SLC30A6: variants seen among roughly 807,000 people sequenced by gnomAD.
The protein encoded by SLC30A6 is zinc transporter 6.
A neutral mutation model predicts 63.0 loss-of-function variants in SLC30A6; 55 were observed. That is an observed-to-expected ratio of 0.87 (90% CI 0.70 to 1.09). The LOEUF is 1.09. Among genes scored for constraint, SLC30A6 ranks in the 50% least tolerant of loss-of-function variants. SLC30A6 has a pLI of 0.00. For missense variants in SLC30A6, 587 were observed against 549.2 expected (o/e 1.07, Z -0.69); for synonymous variants, 224 against 186.1 (o/e 1.20, Z -1.66).
Position 32,203,662 on chromosome 2 carries a change from A to G in SLC30A6, c.666-928A>G, listed in dbSNP as rs1684488835. 14 of 1,560,688 alleles carry G rather than the reference A, an allele frequency of 9.0e-6. No individual in the cohort carries two copies. The South Asian group carries it at 1.4e-4, about 16-fold the overall frequency. On this transcript the variant is annotated intron_variant, in intron 10 of 13. Transcript: ENST00000282587. ...TAGTAATGCAGTGTCTCAGATTACC[A>G]GAATGTGCCTCCTGAAAGGAAATGT...
chr2:32,181,147 A>G (rs1000845780), intron 4 of SLC30A6, among the ~76,000 whole-genome samples: 5 of 152,262 alleles, frequency 3.3e-5, no homozygotes, highest in African/African-American at 1.2e-4. Context: ...GGAAATTAAA[A>G]TGATTTACAC....
At chr2:32,184,855 T>C (rs1682665224) in intron 5 of SLC30A6, among the ~76,000 whole-genome samples, 1 of 152,212 alleles carries the variant, frequency 6.6e-6, no homozygotes, top group African/African-American at 2.4e-5. Context: ...GTTTTTTATA[T>C]TTTATAAAGC....
At chr2:32,188,471 A>G (rs189743735) in intron 5 of SLC30A6, among the ~76,000 whole-genome samples, 1 of 152,202 alleles carries the variant, frequency 6.6e-6, no homozygotes, top group East Asian at 1.9e-4. Context: ...AGGTGGGAGG[A>G]TCACCTGAGG....
chr2:32,175,266 A>G (rs1405449289), intron 3 of SLC30A6, 53 bp from the exon 4 acceptor site: 29 of 1,562,972 alleles, frequency 1.9e-5, no homozygotes, highest in Non-Finnish European at 2.4e-5. Context: ...AACTTGCTGT[A>G]TTTTTTTAGA....
chr2:32,192,691 A>G (rs1330944285), intron 6 of SLC30A6, among the ~76,000 whole-genome samples: 1 of 152,200 alleles, frequency 6.6e-6, no homozygotes, highest in Non-Finnish European at 1.5e-5. Flanking sequence ...CCATTGAAAT[A>G]GGCTTGGCAG....
Position 32,204,587 on chromosome 2 carries a change from T to C in SLC30A6, c.666-3T>C, listed in dbSNP as rs1265413981. 2.5e-6 allele frequency: 4 copies of C among 1,602,312 alleles called. No individual in the cohort carries two copies. The highest frequency in any genetic ancestry group is 3.4e-6 in the Non-Finnish European group (4 of 1,171,104). ...AAAATTTAGAATTGTTTTTTCCTTT[T>C]AGTAATTATTTTGCCGTAGACACTG... is the stretch of plus-strand genomic sequence containing the variant. On this transcript the variant is annotated splice_polypyrimidine_tract_variant and splice_region_variant and intron_variant, in intron 10 of 13. Coordinates refer to ENST00000282587, the MANE Select transcript of SLC30A6 (RefSeq NM_017964.5).
rs963922379 is a variant in SLC30A6, at chr2:32,224,324, A to G, written c.*3611A>G. 8.4e-6 allele frequency: 5 copies of G among 592,908 alleles called. No individual in the cohort carries two copies. Among genetic ancestry groups the G allele is most frequent in the African/African-American group, 1.9e-5 (1 of 53,500 alleles). The allele number at this position is 592,908 out of a possible 1,614,324, so 36.7% of individuals were successfully genotyped here. A position where few individuals can be genotyped will look rare whatever the true frequency, so the allele number is the denominator to read the frequency against. The stretch of plus-strand genomic sequence containing the variant: ...CGATAATCCTAGTAGGAGAGCTAAG[A>G]CACAAAACTGTTGCATGTTTTTAAT... On this transcript the variant is annotated 3_prime_UTR_variant, in exon 14 of 14. Transcript: ENST00000282587.
At chr2:32,203,597 A>T in intron 10 of SLC30A6, 1 of 1,593,574 alleles carries the variant, frequency 6.3e-7, no homozygotes, top group Non-Finnish European at 8.6e-7. Flanking sequence ...GAAATACAGG[A>T]TGTCAGCTGT....
chr2:32,203,502 A>G, intron 10 of SLC30A6: 2 of 1,605,686 alleles, frequency 1.2e-6, no homozygotes, highest in South Asian at 1.1e-5. Context: ...GCTTTAGCCC[A>G]CATTTCTGGT....
chr2:32,202,873 C>T (rs1029887077), intron 10 of SLC30A6: 3 of 923,286 alleles, frequency 3.2e-6, no homozygotes, highest in Non-Finnish European at 3.6e-6. Context: ...ACTCAAAAGG[C>T]TGCAGCTTCT....
In SLC30A6 at chr2:32,192,385, C is replaced by T. The variant is rs766292387; in HGVS notation, c.334C>T (p.Gln112Ter). The T allele has an allele frequency of 8.7e-6, 14 of 1,613,938 alleles. No individual in the cohort carries two copies. Among genetic ancestry groups the T allele is most frequent in the Non-Finnish European group, 1.2e-5 (14 of 1,179,906 alleles). Residue 112 changes from glutamine (Q) to a stop codon, truncating the protein, a stop_gained, in exon 6 of 14, where the codon CAG becomes TAG. Transcript: ENST00000282587. LOFTEE classifies it high-confidence loss of function. ...LAVFASTVLAQLGALFILKES... is the reference protein window; with the variant it reads ...LAVFASTVLA The stretch of plus-strand genomic sequence containing the variant: ...TGTATTTGCCTCCACAGTCTTGGCA[C>T]AGTTGGGAGCTCTCTTTATATTAAA...
chr2:32,183,149 T>G (rs28434610), intron 4 of SLC30A6, among the ~76,000 whole-genome samples: 12,775 of 151,882 alleles, frequency 0.084, 605 homozygotes, highest in Middle Eastern at 0.13. Context: ...ATCGCGCCAT[T>G]GCACTCCAGC....
At chr2:32,174,701 G>A (rs1198609453) in intron 3 of SLC30A6, among the ~76,000 whole-genome samples, 2 of 151,430 alleles carry the variant, frequency 1.3e-5, no homozygotes, top group Non-Finnish European at 2.9e-5. Flanking sequence ...TTACAGGCAC[G>A]TACCACCACG....
chr2:32,206,964 A>G (rs372714720), intron 12 of SLC30A6, 31 bp downstream of exon 12: 116 of 1,529,972 alleles, frequency 7.6e-5, no homozygotes, highest in Non-Finnish European at 9.9e-5. Context: ...AAATCATTTT[A>G]TTTTATATCA....
Position 32,169,815 on chromosome 2 carries a change from T to C in SLC30A6, c.4-1472T>C, listed in dbSNP as rs370092956. Among the ~76,000 whole-genome samples the C allele has an allele frequency of 3.1e-4, 47 of 152,310 alleles. No individual in the cohort carries two copies. The South Asian group carries it at 9.7e-3, about 32-fold the overall frequency. On this transcript the variant is annotated intron_variant, in intron 1 of 13. Coordinates refer to ENST00000282587, the MANE Select transcript of SLC30A6 (RefSeq NM_017964.5). ...ACTGTGTATAGGGAGAGGCATACCA[T>C]TTTTATTTTTAAAGTATCAAGAGAA...
intron 12 of SLC30A6, among the ~76,000 whole-genome samples, chr2:32,208,864 A>G (rs1305306113): frequency 1.3e-5 from 2 of 152,214 alleles, no homozygotes; most frequent in Non-Finnish European, 2.9e-5. Flanking sequence ...CTAATGAAGA[A>G]ATAAAATAAT....
intron 1 of SLC30A6, among the ~76,000 whole-genome samples, chr2:32,166,839 A>G (rs1296549020): frequency 1.3e-5 from 2 of 152,238 alleles, no homozygotes; most frequent in East Asian, 3.8e-4. Context: ...CACACAGAAA[A>G]TGGGTAAAAG....
At chr2:32,203,265 T>A in intron 10 of SLC30A6, 6 of 963,932 alleles carry the variant, frequency 6.2e-6, no homozygotes, top group Non-Finnish European at 1.0e-5. Context: ...GGGATTTGTA[T>A]ATGTTTTTAT....
In SLC30A6 at chr2:32,220,938, G is replaced by A; in HGVS notation, c.*225G>A. On this transcript the variant is annotated 3_prime_UTR_variant, in exon 14 of 14. Transcript: ENST00000282587. The stretch of plus-strand genomic sequence containing the variant: ...TTTAAATAGGCTTCCTTTAGAAAAT[G>A]TGTTTCTTTAAATTTGGATTTTGGT... 1 of 474,268 alleles carries A rather than the reference G, an allele frequency of 2.1e-6. No homozygotes were observed. The highest frequency in any genetic ancestry group is 3.7e-6 in the Non-Finnish European group (1 of 271,022). The allele number at this position is 474,268 out of a possible 1,614,324, so 29.4% of individuals were successfully genotyped here.
Sources: gnomAD v4.1 joint callset for allele counts (sites outside exome capture counted in the v4.1 genomes callset) on GRCh38, gnomAD v4.1.1 for gene constraint, MANE v1.5 for transcripts, NCBI Gene and HGNC (gene_info 2026-07-23, HGNC 2026-07-21) for gene names.